The following GRIA2 variants were observed in gnomAD, a reference collection of about 807,000 sequenced individuals.
GRIA2 encodes glutamate receptor 2.
Under a neutral mutation model 97.3 loss-of-function variants are expected in GRIA2, and 14 were observed. The ratio of observed to expected loss-of-function variants is 0.14; its 90% confidence interval spans 0.10 to 0.23. The LOEUF (loss-of-function observed/expected upper bound fraction) is 0.23, where lower values mean the gene tolerates loss of function less well. Among genes scored for constraint, GRIA2 ranks in the 10% least tolerant of loss-of-function variants. GRIA2 has a pLI of 1.00. For synonymous variants in GRIA2, 412 were observed against 387.8 expected, an observed-to-expected ratio of 1.06 and a Z score of -0.73; for missense variants, 558 against 1,069.8, an observed-to-expected ratio of 0.52 and a Z score of 6.67.
intron 2 of GRIA2, among the ~76,000 whole-genome samples, chr4:157,301,797 G>T (rs951692875): frequency 1.3e-5 from 2 of 152,122 alleles, no homozygotes; most frequent in African/African-American, 4.8e-5. Flanking sequence ...TAGGTTGTTA[G>T]ATTGTGTTTC....
At chr4:157,283,929 T>C (rs1732721642) in intron 2 of GRIA2, among the ~76,000 whole-genome samples, 1 of 151,944 alleles carries the variant, frequency 6.6e-6, no homozygotes, top group African/African-American at 2.4e-5. Flanking sequence ...AAATGACTAG[T>C]TAATGACCTG....
intron 2 of GRIA2, among the ~76,000 whole-genome samples, chr4:157,223,442 A>G (rs1372267105): frequency 2.6e-5 from 4 of 152,212 alleles, no homozygotes; most frequent in Non-Finnish European, 5.9e-5. Context: ...CAGCTTTGAA[A>G]AACGTCCGTA....
chr4:157,338,985 T>C (rs1049534861), intron 11 of GRIA2, among the ~76,000 whole-genome samples: 1 of 152,084 alleles, frequency 6.6e-6, no homozygotes, highest in South Asian at 2.1e-4. Context: ...CTTTTCCAAG[T>C]AAAATATGAT....
chr4:157,230,361 T>C (rs1293614261), intron 2 of GRIA2, among the ~76,000 whole-genome samples: 1 of 152,212 alleles, frequency 6.6e-6, no homozygotes, highest in Non-Finnish European at 1.5e-5. Flanking sequence ...TTTTTCCTTA[T>C]TGTAGATTGA....
At chr4:157,335,898 A>C in intron 10 of GRIA2, 21 bp downstream of exon 10, 1 of 1,436,356 alleles carries the variant, frequency 7.0e-7, no homozygotes, top group South Asian at 1.2e-5. Flanking sequence ...CTCTTCTCAT[A>C]GATAAAGTCA....
At chr4:157,280,849 A>T (rs1215787227) in intron 2 of GRIA2, among the ~76,000 whole-genome samples, 4 of 152,146 alleles carry the variant, frequency 2.6e-5, no homozygotes, top group African/African-American at 9.6e-5. Context: ...GTCATGATTT[A>T]TTCTGAACTA....
intron 3 of GRIA2, among the ~76,000 whole-genome samples, chr4:157,309,045 T>C (rs1156366905): frequency 6.6e-6 from 1 of 152,170 alleles, no homozygotes; most frequent in African/African-American, 2.4e-5. Flanking sequence ...TTATTAAGCA[T>C]TGAATGGTGG....
chr4:157,315,136 T>A (rs1734254461), intron 4 of GRIA2, among the ~76,000 whole-genome samples: 1 of 152,202 alleles, frequency 6.6e-6, no homozygotes, highest in African/African-American at 2.4e-5. Context: ...GAGTGTCTAA[T>A]GTTTGCCAGG....
intron 12 of GRIA2, among the ~76,000 whole-genome samples, chr4:157,354,796 G>C (rs975640240): frequency 3.3e-5 from 5 of 152,238 alleles, no homozygotes; most frequent in South Asian, 4.2e-4. Flanking sequence ...TAGTTTTATA[G>C]GATCTTTCTA....
chr4:157,293,031 G>C (rs1333211326), intron 2 of GRIA2, among the ~76,000 whole-genome samples: 1 of 152,052 alleles, frequency 6.6e-6, no homozygotes, highest in Non-Finnish European at 1.5e-5. Flanking sequence ...TTTTACCTGT[G>C]ATTAGTAAAA....
chr4:157,313,312 A>G (rs771328994), intron 4 of GRIA2, among the ~76,000 whole-genome samples: 4 of 152,246 alleles, frequency 2.6e-5, no homozygotes, highest in Non-Finnish European at 4.4e-5. Flanking sequence ...CAGAAAGAGT[A>G]TGTAGTTATC....
At chr4:157,325,216 G>A (rs1027506384) in intron 6 of GRIA2, among the ~76,000 whole-genome samples, 6 of 151,756 alleles carry the variant, frequency 4.0e-5, no homozygotes, top group Non-Finnish European at 7.4e-5. Flanking sequence ...ATTTTATTCA[G>A]TAAATAAAAA....
At chr4:157,227,322 T>G (rs1205067193) in intron 2 of GRIA2, among the ~76,000 whole-genome samples, 1 of 152,156 alleles carries the variant, frequency 6.6e-6, no homozygotes, top group African/African-American at 2.4e-5. Context: ...TCATAATCTC[T>G]TCCAATAACA....
At chr4:157,236,557 A>T (rs1730257826) in intron 2 of GRIA2, among the ~76,000 whole-genome samples, 3 of 152,014 alleles carry the variant, frequency 2.0e-5, no homozygotes, top group Non-Finnish European at 4.4e-5. Flanking sequence ...GGGTTTGTAG[A>T]ATAGTTTGCT....
At position 157,221,564 on chromosome 4, in the gene GRIA2, G is replaced by T. The variant is rs532743702; in HGVS notation, c.89-103G>T. 3.6e-5 allele frequency: 42 copies of T among 1,175,208 alleles called. 2 individuals carry two copies. The South Asian group carries it at 5.8e-4, about 16-fold the overall frequency. 72.8% of individuals were successfully genotyped at this position (1,175,208 alleles called of 1,614,324 possible). On this transcript the variant is annotated intron_variant, in intron 1 of 15. Coordinates refer to ENST00000264426, the MANE Select transcript of GRIA2 (RefSeq NM_001083619.3). Reference sequence around the variant, plus strand: ...GTAGGTGTGTTTATTCGGCCTATTCGCGTGAATAAGAGACTCTTGGATTTT... The same window carrying T: ...GTAGGTGTGTTTATTCGGCCTATTCTCGTGAATAAGAGACTCTTGGATTTT...
intron 6 of GRIA2, among the ~76,000 whole-genome samples, chr4:157,324,155 G>A (rs1458840626): frequency 6.6e-6 from 1 of 152,102 alleles, no homozygotes; most frequent in Non-Finnish European, 1.5e-5. Flanking sequence ...TAAAATGAGA[G>A]AATTTCAGCC....
intron 2 of GRIA2, among the ~76,000 whole-genome samples, chr4:157,236,430 G>A (rs951323883): frequency 2.0e-5 from 3 of 151,958 alleles, no homozygotes; most frequent in African/African-American, 7.2e-5. Flanking sequence ...CTGCTTTTAT[G>A]TGCAGAGATT....
At chr4:157,246,868 A>C (rs1730755074) in intron 2 of GRIA2, among the ~76,000 whole-genome samples, 1 of 152,094 alleles carries the variant, frequency 6.6e-6, no homozygotes, top group Non-Finnish European at 1.5e-5. Flanking sequence ...CATGTATTAA[A>C]TGTACTTGTT....
chr4:157,308,240 G>A (rs934980523), intron 3 of GRIA2, among the ~76,000 whole-genome samples: 1 of 152,180 alleles, frequency 6.6e-6, no homozygotes, highest in African/African-American at 2.4e-5. Flanking sequence ...ATCACTGACT[G>A]ACTAGTAGTA....
Sources: allele counts gnomAD v4.1 joint callset (sites outside exome capture counted in the v4.1 genomes callset), GRCh38; gene constraint gnomAD v4.1.1; transcripts MANE v1.5; gene names NCBI Gene and HGNC (gene_info 2026-07-23, HGNC 2026-07-21).